MME: variants seen among roughly 807,000 people sequenced by gnomAD.
MME encodes the protein neprilysin.
A neutral mutation model predicts 113.2 loss-of-function variants in MME; 98 were observed. That is an observed-to-expected ratio of 0.87 (90% confidence interval 0.74 to 1.02). The LOEUF is 1.02. MME is among the 50% of genes least tolerant of loss of function. The pLI, the probability that MME is intolerant of heterozygous loss-of-function variation, is 0.00. For missense variants in MME, 836 were observed against 896.0 expected (o/e 0.93, Z 0.86); for synonymous variants, 292 against 300.6 (o/e 0.97, Z 0.30).
chr3:155,102,684 T>G (rs978695841), intron 3 of MME, among the ~76,000 whole-genome samples: 4 of 152,174 alleles, frequency 2.6e-5, no homozygotes, highest in Admixed American at 2.6e-4. Flanking sequence ...ATGCCCATGA[T>G]GAGGGCTTCT....
At chr3:155,103,791 G>A (rs1481504947) in intron 3 of MME, among the ~76,000 whole-genome samples, 1 of 152,104 alleles carries the variant, frequency 6.6e-6, no homozygotes, top group Non-Finnish European at 1.5e-5. Context: ...AAGTGTTGCT[G>A]TTCTTCAACA....
intron 8 of MME, among the ~76,000 whole-genome samples, chr3:155,129,422 A>G (rs567933016): frequency 2.1e-3 from 327 of 152,292 alleles, no homozygotes; most frequent in Non-Finnish European, 3.8e-3. Context: ...CTTATCGACT[A>G]TGAAAATAGC....
intron 1 of MME, among the ~76,000 whole-genome samples, chr3:155,027,678 G>T (rs767115563): frequency 3.9e-5 from 6 of 152,160 alleles, no homozygotes; most frequent in Non-Finnish European, 7.3e-5. Flanking sequence ...TTAACAGTAG[G>T]CTTAGATAGA....
intron 1 of MME, among the ~76,000 whole-genome samples, chr3:155,072,283 G>T (rs879909875): frequency 6.6e-6 from 1 of 151,056 alleles, no homozygotes; most frequent in African/African-American, 2.4e-5. Context: ...GCATTATAAC[G>T]GACACTCCGA....
upstream of MME, among the ~76,000 whole-genome samples, chr3:155,077,411 C>T (rs1367831038): frequency 6.6e-6 from 1 of 152,112 alleles, no homozygotes; most frequent in East Asian, 1.9e-4. Flanking sequence ...TGGACCACCT[C>T]AGTAAGCCTC....
chr3:155,167,106 C>A (rs936401708), intron 18 of MME, 85 bp downstream of exon 18: 37 of 1,480,836 alleles, frequency 2.5e-5, no homozygotes, highest in Non-Finnish European at 3.4e-5. Context: ...TACTACAAAG[C>A]TACATTTATT....
At chr3:155,166,630 C>T (rs1028821749) in intron 17 of MME, among the ~76,000 whole-genome samples, 8 of 152,152 alleles carry the variant, frequency 5.3e-5, no homozygotes. Context: ...TATAGCACCA[C>T]TCCAAGGTGA....
intron 3 of MME, among the ~76,000 whole-genome samples, chr3:155,109,521 T>C (rs1717996631): frequency 6.6e-6 from 1 of 152,240 alleles, no homozygotes; most frequent in South Asian, 2.1e-4. Flanking sequence ...TAAGCCCATT[T>C]GCATTTGCAG....
intron 3 of MME, among the ~76,000 whole-genome samples, chr3:155,101,612 G>A (rs1414610227): frequency 6.6e-6 from 1 of 152,026 alleles, no homozygotes; most frequent in African/African-American, 2.4e-5. Flanking sequence ...TCTGTCTTCT[G>A]GGACTGAAAT....
At chr3:155,153,272 C>T (rs1382041810) in intron 16 of MME, among the ~76,000 whole-genome samples, 1 of 152,022 alleles carries the variant, frequency 6.6e-6, no homozygotes, top group Non-Finnish European at 1.5e-5. Flanking sequence ...GGTGATCCAC[C>T]CACCTTGGCC....
intron 3 of MME, among the ~76,000 whole-genome samples, chr3:155,098,524 C>G (rs1716933542): frequency 6.6e-6 from 1 of 151,534 alleles, no homozygotes; most frequent in East Asian, 1.9e-4. Context: ...CCACTGCACT[C>G]CGGCCTGGGC....
chr3:155,044,125 C>CTTTTTTTTT (rs5853709), intron 1 of MME, among the ~76,000 whole-genome samples: 40 of 89,196 alleles, frequency 4.5e-4, no homozygotes, highest in East Asian at 7.3e-4. Flanking sequence ...CTTCCTTTTT[C>CTTTTTTTTT]TTTTTTTTTT....
chr3:155,174,571 G>A (rs1372769157), intron 22 of MME, among the ~76,000 whole-genome samples: 1 of 151,960 alleles, frequency 6.6e-6, no homozygotes, highest in African/African-American at 2.4e-5. Flanking sequence ...ATATCGAGTT[G>A]CTATTTAAGA....
At position 155,142,125 on chromosome 3, in the gene MME, C is replaced by T; in HGVS notation, c.1092C>T (p.Ala364=). ...KLKPILTKYS[A]RDLQNLMSWR... ...AGCCCATTCTTACCAAATATTCTGC[C>T]AGGTAGGTATGTCACAGTCCCCATG... The change falls in exon 11 of 23, where the codon GCC becomes GCT. Residue 364 remains alanine (A), a splice_region_variant and synonymous_variant. Transcript: ENST00000360490. 6.2e-7 allele frequency: 1 copy of T among 1,613,762 alleles called. No individual in the cohort carries two copies. Among genetic ancestry groups the T allele is most frequent in the Non-Finnish European group, 8.5e-7 (1 of 1,179,786 alleles).
chr3:155,133,220 G>A (rs939660417), intron 8 of MME, among the ~76,000 whole-genome samples: 1 of 151,604 alleles, frequency 6.6e-6, no homozygotes, highest in African/African-American at 2.4e-5. Flanking sequence ...GTAACCTTAA[G>A]TTCTGACACC....
intron 1 of MME, among the ~76,000 whole-genome samples, chr3:155,051,973 C>T (rs1436470513): frequency 1.3e-5 from 2 of 152,174 alleles, no homozygotes; most frequent in Non-Finnish European, 2.9e-5. Flanking sequence ...ATAAATACAC[C>T]TGTTCCAAAT....
intron 8 of MME, among the ~76,000 whole-genome samples, chr3:155,135,048 A>T (rs1443356600): frequency 6.6e-6 from 1 of 152,024 alleles, no homozygotes; most frequent in Non-Finnish European, 1.5e-5. Context: ...CTTTTCTTGG[A>T]TGCCTAGTTT....
chr3:155,111,213 G>C (rs1285645420), intron 3 of MME, among the ~76,000 whole-genome samples: 1 of 152,136 alleles, frequency 6.6e-6, no homozygotes, highest in Non-Finnish European at 1.5e-5. Flanking sequence ...CAGAGGATAA[G>C]GTGCAAAACG....
rs565029420 is a variant in MME at position 155,087,350 on chromosome 3, A to G, written c.196+2256A>G. 1.0e-3 allele frequency among the ~76,000 whole-genome samples: 149 copies of G among 145,712 alleles called. 1 individual carries two copies. The highest frequency in any genetic ancestry group is 3.7e-3 in the African/African-American group (146 of 39,002). Reference sequence around the variant, plus strand: ...AGATGTGATGTGGGGAGCGTGAGGGAGACTTGATTTAGATGTTAGCCATTT... The same window carrying G: ...AGATGTGATGTGGGGAGCGTGAGGGGGACTTGATTTAGATGTTAGCCATTT... On this transcript the variant is annotated intron_variant, in intron 3 of 22. Coordinates refer to ENST00000360490, the MANE Select transcript of MME (RefSeq NM_007289.4).
Sources: allele counts gnomAD v4.1 joint callset (sites outside exome capture counted in the v4.1 genomes callset), GRCh38; gene constraint gnomAD v4.1.1; transcripts MANE v1.5; gene names NCBI Gene and HGNC (gene_info 2026-07-23, HGNC 2026-07-21).